ANO5: variants seen among roughly 807,000 people sequenced by gnomAD.
ANO5 encodes the protein anoctamin-5.
ANO5 carries 109 observed loss-of-function variants against 121.0 expected under a neutral mutation model. The ratio of observed to expected loss-of-function variants is 0.90; its 90% CI spans 0.77 to 1.06. The LOEUF is 1.06. Ranked by LOEUF, ANO5 falls within the 50% of genes least tolerant of loss-of-function variation. The probability of loss-of-function intolerance (pLI) is 0.00; values close to 1 mark genes in which losing one functional copy is unlikely to be tolerated. For synonymous variants in ANO5, 406 were observed against 359.9 expected (o/e 1.13, Z -1.45); for missense variants, 1,064 against 1,078.5 (o/e 0.99, Z 0.19).
At chr11:22,254,688 G>A (rs1473378701) in intron 12 of ANO5, among the ~76,000 whole-genome samples, 1 of 151,458 alleles carries the variant, frequency 6.6e-6, no homozygotes, top group African/African-American at 2.4e-5. Flanking sequence ...CTGGTTATAT[G>A]GGTATATTTA....
chr11:22,276,049 T>C (rs944797610), intron 20 of ANO5, 45 bp from the exon 21 acceptor site: 1 of 1,256,154 alleles, frequency 8.0e-7, no homozygotes, highest in Admixed American at 1.9e-5. Flanking sequence ...GTTGAAGCTA[T>C]AACTATTATT....
chr11:22,207,623 G>A (rs1472618035), intron 2 of ANO5, among the ~76,000 whole-genome samples: 2 of 152,056 alleles, frequency 1.3e-5, no homozygotes, highest in Non-Finnish European at 2.9e-5. Context: ...TGAAGGGTTT[G>A]TAGTTATGTC....
At position 22,220,231 on chromosome 11, in the gene ANO5, A is replaced by G. The variant is rs181303908; in HGVS notation, c.181-866A>G. Among the ~76,000 whole-genome samples, 5 of 152,154 alleles carry G rather than the reference A, an allele frequency of 3.3e-5. No individual in the cohort carries two copies. The South Asian group carries it at 6.2e-4, about 19-fold the overall frequency. ...GGTGAGCTAAAGCAATTGGAAAACTATCTAATTGACAGCCACTGTATTATC... is the reference window on the plus strand; with the variant it reads ...GGTGAGCTAAAGCAATTGGAAAACTGTCTAATTGACAGCCACTGTATTATC... On this transcript the variant is annotated intron_variant, in intron 4 of 21. Coordinates refer to ENST00000324559, the MANE Select transcript of ANO5 (RefSeq NM_213599.3).
rs368493819 is a variant in ANO5, at chr11:22,272,205, G to C, written c.2030-579G>C. Among the ~76,000 whole-genome samples, 8 of 152,020 alleles carry C rather than the reference G, an allele frequency of 5.3e-5. No homozygotes were observed. The South Asian group carries it at 1.7e-3, about 32-fold the overall frequency. ...GTCCTCTGTTGAGTCTTAATGAGGA[G>C]AGAGAATAAAATTTATTTAGAAAGA... On this transcript the variant is annotated intron_variant, in intron 18 of 21. Transcript: ENST00000324559.
intron 18 of ANO5, among the ~76,000 whole-genome samples, chr11:22,272,033 GAAAGCCATTTCCATTA>G (rs1317865380): frequency 6.6e-6 from 1 of 151,968 alleles, no homozygotes; most frequent in African/African-American, 2.4e-5. Context: ...TCCTTTAATG[GAAAGCCATTTCCATTA>G]AATGGCTTAT....
chr11:22,231,198 A>G (rs1213249332), intron 7 of ANO5, among the ~76,000 whole-genome samples: 1 of 151,968 alleles, frequency 6.6e-6, no homozygotes, highest in Non-Finnish European at 1.5e-5. Flanking sequence ...TAGTCTTACC[A>G]TTGTATGCTC....
chr11:22,193,053 A>T (rs1851695157), upstream of ANO5: 6 of 1,021,268 alleles, frequency 5.9e-6, no homozygotes, highest in South Asian at 2.2e-4. Flanking sequence ...GACGCAGCGA[A>T]GGGGAAAGGA....
Position 22,282,797 on chromosome 11 carries a change from G to C in ANO5, c.*3032G>C, listed in dbSNP as rs1291670592. 6.6e-6 allele frequency: 1 copy of C among 152,156 alleles called. No individual in the cohort carries two copies. The highest frequency in any genetic ancestry group is 2.4e-5 in the African/African-American group (1 of 41,446). The allele number at this position is 152,156 out of a possible 1,614,324, so 9.4% of individuals were successfully genotyped here. On this transcript the variant is annotated 3_prime_UTR_variant, in exon 22 of 22. Coordinates refer to ENST00000324559, the MANE Select transcript of ANO5 (RefSeq NM_213599.3). The stretch of plus-strand genomic sequence containing the variant: ...CTCTGTTGATTGACTCCAGTTGAAG[G>C]TGAGAAATCTGTACCAATCATTCAA...
Position 22,193,172 on chromosome 11 carries a change from T to A in ANO5, c.-321T>A. On this transcript the variant is annotated 5_prime_UTR_variant, in exon 1 of 22. Transcript: ENST00000324559. ...CAGGGACAGGTGCCTGGAGAAGTACTGGGAGAGCGCCCAGGAGCGCTACCG... is the reference window on the plus strand; with the variant it reads ...CAGGGACAGGTGCCTGGAGAAGTACAGGGAGAGCGCCCAGGAGCGCTACCG... 8.1e-7 allele frequency: 1 copy of A among 1,231,124 alleles called. No individual in the cohort carries two copies. The highest frequency in any genetic ancestry group is 1.0e-6 in the Non-Finnish European group (1 of 971,472). 76.3% of individuals were successfully genotyped at this position (1,231,124 alleles called of 1,614,324 possible).
chr11:22,226,451 TC>T (rs1355346834), intron 6 of ANO5, among the ~76,000 whole-genome samples: 1 of 152,160 alleles, frequency 6.6e-6, no homozygotes, highest in East Asian at 1.9e-4. Flanking sequence ...CTTTTTAAAG[TC>T]ATTTTATTTA....
chr11:22,212,696 A>G (rs564330481), intron 3 of ANO5, among the ~76,000 whole-genome samples: 85 of 152,012 alleles, frequency 5.6e-4, no homozygotes, highest in Non-Finnish European at 9.6e-4. Context: ...TCTTAGTATC[A>G]TTTAAAATTG....
intron 2 of ANO5, among the ~76,000 whole-genome samples, chr11:22,207,452 C>G (rs1852153312): frequency 6.6e-6 from 1 of 152,044 alleles, no homozygotes; most frequent in African/African-American, 2.4e-5. Context: ...AACAAACAGG[C>G]TGGAGCATTT....
intron 3 of ANO5, 101 bp from the exon 4 acceptor site, chr11:22,218,145 A>AC: frequency 7.4e-7 from 1 of 1,346,178 alleles, no homozygotes; most frequent in Non-Finnish European, 1.1e-6. Context: ...ACACACTTAT[A>AC]AAATGATCAT....
chr11:22,202,747 G>C (rs937280619), intron 1 of ANO5, among the ~76,000 whole-genome samples: 7 of 152,202 alleles, frequency 4.6e-5, no homozygotes, highest in Middle Eastern at 3.4e-3. Context: ...GAAATACTTA[G>C]TGTTTTTTGG....
chr11:22,279,602 A>G lies in ANO5; in HGVS notation c.2579A>G (p.Asp860Gly). The G allele has an allele frequency of 6.2e-7, 1 of 1,613,008 alleles. No homozygotes were observed. Among genetic ancestry groups the G allele is most frequent in the Non-Finnish European group, 8.5e-7 (1 of 1,179,208 alleles). Residue 860 changes from aspartate to glycine, a missense_variant, in exon 22 of 22, where the codon GAT becomes GGT. Physicochemically the swap from Asp to Gly is moderately conservative, Grantham distance 94 (BLOSUM62 -1). Transcript: ENST00000324559. ...LAWMIPDVPK[D>G]VVERIKREKL... is the part of the protein sequence containing the mutation. ...TGGATGATACCTGATGTTCCAAAAG[A>G]TGTTGTGGAGAGAATCAAGAGAGAA...
chr11:22,203,309 C>T (rs1190729393), intron 1 of ANO5, among the ~76,000 whole-genome samples: 3 of 152,138 alleles, frequency 2.0e-5, no homozygotes, highest in East Asian at 1.9e-4. Context: ...TTAGTGCAAA[C>T]GACTAAATGC....
At chr11:22,227,698 G>C in intron 7 of ANO5, 112 bp downstream of exon 7, 2 of 1,339,118 alleles carry the variant, frequency 1.5e-6, no homozygotes, top group South Asian at 2.5e-5. Flanking sequence ...TTCTGTATAG[G>C]ATATAAGCAT....
Position 22,276,754 on chromosome 11 carries a change from A to C in ANO5, c.2520+555A>C, listed in dbSNP as rs187154745. On this transcript the variant is annotated intron_variant, in intron 21 of 21. Coordinates refer to ENST00000324559, the MANE Select transcript of ANO5 (RefSeq NM_213599.3). ...ATAAGGCCTGCAAGAAAAGGTAAAC[A>C]ATACAGAGGCAGTATTGGGCAAAGT... 1.3e-3 allele frequency among the ~76,000 whole-genome samples: 192 copies of C among 150,900 alleles called. 2 individuals are homozygous for C. The highest frequency in any genetic ancestry group is 4.3e-3 in the African/African-American group (175 of 40,628).
chr11:22,192,848 G>A (rs1851689140), upstream of ANO5: 7 of 441,360 alleles, frequency 1.6e-5, no homozygotes, highest in Admixed American at 6.4e-5. Flanking sequence ...GGCGGGTCCC[G>A]AGGAGGGACG....
Sources: allele counts gnomAD v4.1 joint callset (sites outside exome capture counted in the v4.1 genomes callset), GRCh38; gene constraint gnomAD v4.1.1; transcripts MANE v1.5; gene names NCBI Gene and HGNC (gene_info 2026-07-23, HGNC 2026-07-21).